CDK14: variants seen among roughly 807,000 people sequenced by gnomAD.
CDK14 encodes cyclin dependent kinase 14.
CDK14 carries 34 observed loss-of-function variants against 60.7 expected under a neutral mutation model. That is an observed-to-expected ratio of 0.56 (90% CI 0.43 to 0.75). The LOEUF is 0.75. CDK14 is among the 30% of genes least tolerant of loss of function. CDK14 has a pLI of 0.00. For missense variants in CDK14, 482 were observed against 564.1 expected (o/e 0.85, Z 1.47); for synonymous variants, 197 against 203.7 (o/e 0.97, Z 0.28).
intron 2 of CDK14, among the ~76,000 whole-genome samples, chr7:90,698,855 T>C (rs1801721718): frequency 6.6e-6 from 1 of 152,216 alleles, no homozygotes. Context: ...CTTCATTATG[T>C]AACCATGGGT....
chr7:90,806,822 C>A (rs572464053), intron 5 of CDK14, among the ~76,000 whole-genome samples: 36 of 152,356 alleles, frequency 2.4e-4, no homozygotes, highest in African/African-American at 7.7e-4. Flanking sequence ...GAGATTATAT[C>A]CCGTGCCTGG....
chr7:91,083,933 C>T (rs1024692938), intron 12 of CDK14, among the ~76,000 whole-genome samples: 14 of 152,300 alleles, frequency 9.2e-5, no homozygotes, highest in African/African-American at 3.1e-4. Context: ...ATGAAACGGA[C>T]ATAGTCAAAG....
intron 5 of CDK14, among the ~76,000 whole-genome samples, chr7:90,803,354 C>G (rs1210327633): frequency 1.3e-5 from 2 of 151,944 alleles, no homozygotes; most frequent in African/African-American, 4.8e-5. Flanking sequence ...AAAAGGCACC[C>G]AAATATTTAA....
At chr7:91,145,172 T>C (rs1199562796) in intron 14 of CDK14, among the ~76,000 whole-genome samples, 1 of 152,214 alleles carries the variant, frequency 6.6e-6, no homozygotes, top group Admixed American at 6.5e-5. Context: ...ACCTATTCTC[T>C]TCAGTGTTTT....
At chr7:91,125,178 A>T (rs553354703) in intron 14 of CDK14, among the ~76,000 whole-genome samples, 1 of 152,084 alleles carries the variant, frequency 6.6e-6, no homozygotes, top group Admixed American at 6.6e-5. Flanking sequence ...GATACTCGTC[A>T]CTCCTTCTGC....
chr7:90,707,414 A>G (rs1379218856), intron 2 of CDK14, among the ~76,000 whole-genome samples: 1 of 152,034 alleles, frequency 6.6e-6, no homozygotes, highest in African/African-American at 2.4e-5. Flanking sequence ...TGTCTGAAAC[A>G]CTAGCTTAGC....
At chr7:90,841,768 T>C (rs1790301346) in intron 5 of CDK14, among the ~76,000 whole-genome samples, 1 of 151,826 alleles carries the variant, frequency 6.6e-6, no homozygotes, top group African/African-American at 2.4e-5. Flanking sequence ...GTACTTCTTA[T>C]ATTCTTAGTA....
At chr7:91,000,775 CA>C (rs2115749156) in intron 10 of CDK14, among the ~76,000 whole-genome samples, 1 of 152,286 alleles carries the variant, frequency 6.6e-6, no homozygotes, top group Non-Finnish European at 1.5e-5. Flanking sequence ...ATGACATTCT[CA>C]AAACAGCAGT....
Position 90,596,698 on chromosome 7 carries a change from C to CG in CDK14, c.73dup (p.Glu25GlyfsTer12). Reference sequence around the variant, plus strand: ...ATGAAGAAGTTGCGGAGAACTTTGTCGGAGAGTTTCAGTCGCATTGGTGAG... The same window carrying CG: ...ATGAAGAAGTTGCGGAGAACTTTGTCGGGAGAGTTTCAGTCGCATTGGTGAG... On this transcript the variant is annotated frameshift_variant, in exon 1 of 15. Transcript: ENST00000380050. LOFTEE classifies it high-confidence loss of function. The CG allele has an allele frequency of 6.2e-7, 1 of 1,611,990 alleles. No homozygotes were observed. Among genetic ancestry groups the CG allele is most frequent in the Non-Finnish European group, 8.5e-7 (1 of 1,179,266 alleles).
rs1313062899 is a variant in CDK14, at chr7:90,932,315, G to A, written c.826+14591G>A. Among the ~76,000 whole-genome samples, 3 of 152,262 alleles carry A rather than the reference G, an allele frequency of 2.0e-5. No individual in the cohort carries two copies. The East Asian group carries it at 5.8e-4, about 29-fold the overall frequency. On this transcript the variant is annotated intron_variant, in intron 8 of 14. Transcript: ENST00000380050. ...AGCCCAGAAGTTGGAGACCAGCCTG[G>A]CCAGCATAGTGAGACTATGTCCCTA...
chr7:91,199,185 G>A (rs537169612), intron 14 of CDK14, among the ~76,000 whole-genome samples: 66 of 152,222 alleles, frequency 4.3e-4, no homozygotes, highest in African/African-American at 1.6e-3. Flanking sequence ...AAAAGAATAT[G>A]CCACCTTTGG....
At position 90,649,415 on chromosome 7, in the gene CDK14, TTCTTTCCTTCTTTCTTTC is replaced by T. The variant is rs1246446998; in HGVS notation, c.123+45177_123+45194del. The stretch of plus-strand genomic sequence containing the variant: ...CTTCCTTCTTTCTTTCTTTCTTTCT[TTCTTTCCTTCTTTCTTTC>T]TCTTTCCTTCCTTCTTTCCTTCTTT... On this transcript the variant is annotated intron_variant, in intron 2 of 14. Transcript: ENST00000380050. 1.8e-4 allele frequency among the ~76,000 whole-genome samples: 20 copies of T among 112,822 alleles called. 2 individuals carry two copies. The highest frequency in any genetic ancestry group is 6.1e-4 in the African/African-American group (17 of 27,660). The allele number at this position is 112,822 out of a possible 152,430, so 74.0% of individuals were successfully genotyped here.
At chr7:91,019,347 C>T (rs905448511) in intron 10 of CDK14, among the ~76,000 whole-genome samples, 1 of 152,184 alleles carries the variant, frequency 6.6e-6, no homozygotes, top group African/African-American at 2.4e-5. Flanking sequence ...CCTACTGCAT[C>T]CTTACCCAGG....
chr7:90,629,343 G>A (rs1448502556), intron 2 of CDK14, among the ~76,000 whole-genome samples: 5 of 152,064 alleles, frequency 3.3e-5, no homozygotes, highest in Admixed American at 1.3e-4. Context: ...TAATTACTTG[G>A]ACAGTTGTTT....
intron 2 of CDK14, among the ~76,000 whole-genome samples, chr7:90,702,995 GT>G (rs1801820362): frequency 6.8e-6 from 1 of 147,112 alleles, no homozygotes; most frequent in South Asian, 2.2e-4. Flanking sequence ...TAGAAAATAT[GT>G]TTTCTGTTGT....
At chr7:91,112,876 G>T (rs1799510052) in intron 13 of CDK14, among the ~76,000 whole-genome samples, 195 bp downstream of exon 13, 2 of 151,658 alleles carry the variant, frequency 1.3e-5, no homozygotes, top group South Asian at 4.2e-4. Context: ...GAGAGAGAGA[G>T]AACAGGGGAA....
At chr7:90,655,208 C>G (rs1229762337) in intron 2 of CDK14, among the ~76,000 whole-genome samples, 1 of 152,084 alleles carries the variant, frequency 6.6e-6, no homozygotes. Flanking sequence ...TATGGATGTA[C>G]CATAGTTTGT....
chr7:90,639,699 T>C (rs1394886939), intron 2 of CDK14, among the ~76,000 whole-genome samples: 2 of 145,410 alleles, frequency 1.4e-5, no homozygotes, highest in East Asian at 4.6e-4. Context: ...GTCTTTTTGT[T>C]TGTCTGTGCC....
At chr7:90,792,715 T>TA (rs35559629) in intron 5 of CDK14, among the ~76,000 whole-genome samples, 31,164 of 152,074 alleles carry the variant, frequency 0.2, 3,328 homozygotes, top group South Asian at 0.24. Flanking sequence ...GCTTCTTAAT[T>TA]ATACACCTCA....
Sources: allele counts gnomAD v4.1 joint callset (sites outside exome capture counted in the v4.1 genomes callset), GRCh38; gene constraint gnomAD v4.1.1; transcripts MANE v1.5; gene names NCBI Gene and HGNC (gene_info 2026-07-23, HGNC 2026-07-21).